Variants in PLXNC1 observed in about 807,000 individuals in gnomAD.
PLXNC1 encodes plexin-C1.
In PLXNC1, 75 loss-of-function variants were observed where a neutral mutation model predicts 178.2. The ratio of observed to expected loss-of-function variants is 0.42; its 90% confidence interval spans 0.35 to 0.51. PLXNC1 has a LOEUF of 0.51. Ranked by LOEUF, PLXNC1 falls within the 20% of genes least tolerant of loss-of-function variation. The pLI is 0.02. For missense variants in PLXNC1, 1,503 were observed against 1,984.4 expected (o/e 0.76, Z 4.61); for synonymous variants, 790 against 779.9 (o/e 1.01, Z -0.22).
intron 23 of PLXNC1, among the ~76,000 whole-genome samples, chr12:94,290,346 A>T (rs1329501108): frequency 6.6e-6 from 1 of 152,272 alleles, no homozygotes; most frequent in Non-Finnish European, 1.5e-5. Context: ...ATTGCATCAA[A>T]TATGGAGGAG....
At chr12:94,270,315 T>C (rs937348644) in intron 21 of PLXNC1, among the ~76,000 whole-genome samples, 1 of 152,244 alleles carries the variant, frequency 6.6e-6, no homozygotes, top group Non-Finnish European at 1.5e-5. Flanking sequence ...TTATTGTCTA[T>C]AGCTGCTTTC....
Position 94,306,825 on chromosome 12 carries a change from C to CTGAT in PLXNC1, c.*1541_*1544dup, listed in dbSNP as rs1969075116. On this transcript the variant is annotated 3_prime_UTR_variant, in exon 31 of 31. Coordinates refer to ENST00000258526, the MANE Select transcript of PLXNC1 (RefSeq NM_005761.3). ...TCAGAGAAAATAAGCAGTTACTACC[C>CTGAT]TGATAGGCACCTTCCCAATCCTGTT... 1.3e-5 allele frequency: 2 copies of CTGAT among 152,288 alleles called. No homozygotes were observed. The highest frequency in any genetic ancestry group is 1.9e-4 in the East Asian group (1 of 5,190). 9.4% of individuals were successfully genotyped at this position (152,288 alleles called of 1,614,324 possible). A position where few individuals can be genotyped will look rare whatever the true frequency, so the allele number is the denominator to read the frequency against.
Position 94,297,188 on chromosome 12 carries a change from G to C in PLXNC1, c.3935-1G>C. 1 of 1,613,960 alleles carries C rather than the reference G, an allele frequency of 6.2e-7. No individual in the cohort carries two copies. ...TCTCTCCCTCTTTCTCTGGCATTCA[G>C]ATGTGGAGTACTCGGATGACCACTG... On this transcript the variant is annotated splice_acceptor_variant, in intron 24 of 30. Transcript: ENST00000258526. LOFTEE classifies it high-confidence loss of function.
intron 12 of PLXNC1, among the ~76,000 whole-genome samples, chr12:94,246,347 G>A (rs891217011): frequency 2.6e-5 from 4 of 152,228 alleles, no homozygotes; most frequent in South Asian, 2.1e-4. Flanking sequence ...GGTTAGCAGA[G>A]CAGGTCTCAA....
In PLXNC1 at chr12:94,297,368, G is replaced by A; in HGVS notation, c.4019G>A (p.Gly1340Glu). Residue 1340 changes from glycine (G) to glutamate (E), a missense_variant, in exon 26 of 31, where the codon GGG (glycine) becomes GAG (glutamate). Physicochemically the swap from Gly to Glu is moderately conservative, Grantham distance 98. Coordinates refer to ENST00000258526, the MANE Select transcript of PLXNC1 (RefSeq NM_005761.3). ...FQDVQGKRHRGKHKFKVKEMY... is the reference protein window; with the variant it reads ...FQDVQGKRHREKHKFKVKEMY... Reference sequence around the variant, plus strand: ...GATGTGCAAGGAAAGAGACATCGAGGGAAGCACAAGTTCAAAGTAAAAGAA... The same window carrying A: ...GATGTGCAAGGAAAGAGACATCGAGAGAAGCACAAGTTCAAAGTAAAAGAA... 6.2e-7 allele frequency: 1 copy of A among 1,613,980 alleles called. No individual in the cohort carries two copies. Among genetic ancestry groups the A allele is most frequent in the Non-Finnish European group, 8.5e-7 (1 of 1,179,956 alleles).
At chr12:94,261,522 G>T (rs11107487) in intron 20 of PLXNC1, among the ~76,000 whole-genome samples, 41,719 of 152,104 alleles carry the variant, frequency 0.27, 5,793 homozygotes, top group South Asian at 0.29. Flanking sequence ...AGAAAACATA[G>T]GCAATTGCTT....
chr12:94,216,500 G>A (rs945377941), intron 5 of PLXNC1, among the ~76,000 whole-genome samples: 5 of 152,148 alleles, frequency 3.3e-5, no homozygotes, highest in African/African-American at 9.7e-5. Flanking sequence ...AAATTAAAGC[G>A]ATAATAAGCT....
intron 10 of PLXNC1, among the ~76,000 whole-genome samples, chr12:94,239,837 AG>A: frequency 6.6e-6 from 1 of 152,312 alleles, no homozygotes; most frequent in East Asian, 1.9e-4. Flanking sequence ...CTCTTGGTTT[AG>A]GCCCCCTTTG....
intron 1 of PLXNC1, among the ~76,000 whole-genome samples, chr12:94,153,660 A>T (rs1421403979): frequency 1.3e-5 from 2 of 152,172 alleles, no homozygotes; most frequent in African/African-American, 4.8e-5. Context: ...CTCGGTAGAC[A>T]TTGAGGGTAG....
chr12:94,183,510 C>T (rs1219975953), intron 3 of PLXNC1, among the ~76,000 whole-genome samples: 2 of 152,312 alleles, frequency 1.3e-5, no homozygotes, highest in Non-Finnish European at 1.5e-5. Context: ...TTATCAAGGG[C>T]GTCTCAAAAC....
intron 22 of PLXNC1, among the ~76,000 whole-genome samples, chr12:94,280,703 C>G (rs1405613185): frequency 2.6e-5 from 4 of 152,208 alleles, no homozygotes; most frequent in African/African-American, 9.7e-5. Flanking sequence ...GACCCCAGAC[C>G]CCCAGCTTCC....
intron 12 of PLXNC1, among the ~76,000 whole-genome samples, chr12:94,244,422 T>G (rs2136057286): frequency 1.3e-5 from 2 of 152,290 alleles, no homozygotes; most frequent in South Asian, 4.1e-4. Context: ...GAGAGTTGGG[T>G]TCACAGAGGT....
At position 94,265,175 on chromosome 12, in the gene PLXNC1, A is replaced by G. The variant is rs1196420846; in HGVS notation, c.3547A>G (p.Thr1183Ala). 1 of 1,613,370 alleles carries G rather than the reference A, an allele frequency of 6.2e-7. No homozygotes were observed. Among genetic ancestry groups the G allele is most frequent in the Non-Finnish European group, 8.5e-7 (1 of 1,179,464 alleles). The change falls in exon 21 of 31, where the codon ACA becomes GCA. Residue 1183 changes from threonine to alanine, a missense_variant. By Grantham distance (58) the Thr-to-Ala change is moderately conservative. Around this residue, in one of 4 missense-constraint regions of PLXNC1, gnomAD observed 639 missense variants for 979.7 expected, o/e 0.65. Transcript: ENST00000258526. ...VDVITCKALY[T>A]LNEDWLLWQV... ...TGTAATCACTTGCAAAGCCCTGTACACACTTAATGAAGACTGGCTGTTGTG... is the reference window on the plus strand; with the variant it reads ...TGTAATCACTTGCAAAGCCCTGTACGCACTTAATGAAGACTGGCTGTTGTG...
At chr12:94,256,721 T>C (rs1397650066) in intron 17 of PLXNC1, among the ~76,000 whole-genome samples, 1 of 152,178 alleles carries the variant, frequency 6.6e-6, no homozygotes, top group African/African-American at 2.4e-5. Context: ...AGTTAATGAT[T>C]GCCCTTGAGT....
chr12:94,303,950 G>C (rs11107501), intron 29 of PLXNC1, 27 bp from the exon 30 acceptor site: 1 of 1,606,986 alleles, frequency 6.2e-7, no homozygotes, highest in African/African-American at 1.3e-5. Flanking sequence ...CGTCATTTCA[G>C]AATCTCTCAA....
chr12:94,183,151 C>T (rs537559443), intron 3 of PLXNC1, among the ~76,000 whole-genome samples: 47 of 152,312 alleles, frequency 3.1e-4, no homozygotes, highest in African/African-American at 1.1e-3. Context: ...CCATTCTTTT[C>T]CTTTCAGTCA....
chr12:94,259,384 C>T lies in PLXNC1; in HGVS notation c.3126+9C>T, dbSNP rs375753165. ...TCACTGAAGATATGCATGTAAGTCT[C>T]TACGTTTTCATTTTTAGCCCAGTGA... is the stretch of plus-strand genomic sequence containing the variant. On this transcript the variant is annotated intron_variant, in intron 18 of 30. Coordinates refer to ENST00000258526, the MANE Select transcript of PLXNC1 (RefSeq NM_005761.3). 1 of 1,587,666 alleles carries T rather than the reference C, an allele frequency of 6.3e-7. No individual in the cohort carries two copies. The highest frequency in any genetic ancestry group is 1.9e-5 in the Admixed American group (1 of 52,920).
rs146394899 is a variant in PLXNC1, at chr12:94,186,635, G to A, written c.1439+162G>A. 4.3e-5 allele frequency: 25 copies of A among 579,686 alleles called. No individual in the cohort carries two copies. The East Asian group carries it at 7.6e-4, about 18-fold the overall frequency. 35.9% of individuals were successfully genotyped at this position (579,686 alleles called of 1,614,324 possible). On this transcript the variant is annotated intron_variant, in intron 4 of 30. Transcript: ENST00000258526. ...GCAATCCTAATGAATTCTCGAAGGT[G>A]TTTCCAGCGGCGTCCGTGCTATGCA...
rs181236352 is a variant in PLXNC1 at position 94,247,858 on chromosome 12, G to T, written c.2389-45G>T. ...CTTAGCTCTTAGAGATCACAGCTGGGATTCGTTAACAAAGTTACTAAAACA... is the reference window on the plus strand; with the variant it reads ...CTTAGCTCTTAGAGATCACAGCTGGTATTCGTTAACAAAGTTACTAAAACA... On this transcript the variant is annotated intron_variant, in intron 12 of 30. Transcript: ENST00000258526. 2.2e-3 allele frequency: 3,483 copies of T among 1,558,110 alleles called. 56 individuals are homozygous for T. The Admixed American group carries it at 0.034, about 15-fold the overall frequency.
Sources: allele counts gnomAD v4.1 joint callset (sites outside exome capture counted in the v4.1 genomes callset), GRCh38; gene constraint gnomAD v4.1.1; regional missense constraint gnomAD v4.1.1; transcripts MANE v1.5; gene names NCBI Gene and HGNC (gene_info 2026-07-23, HGNC 2026-07-21).